CNTNAP5: variants seen among roughly 807,000 people sequenced by gnomAD.
CNTNAP5 encodes contactin-associated protein-like 5.
A neutral mutation model predicts 150.2 loss-of-function variants in CNTNAP5; 72 were observed. That is an observed-to-expected ratio of 0.48 (90% CI 0.40 to 0.58). CNTNAP5 has a LOEUF of 0.58. Among genes scored for constraint, CNTNAP5 ranks in the 20% least tolerant of loss-of-function variants. CNTNAP5 has a pLI of 0.00. For synonymous variants in CNTNAP5, 672 were observed against 619.8 expected (o/e 1.08, Z -1.25); for missense variants, 1,636 against 1,626.2 (o/e 1.01, Z -0.10).
At chr2:124,554,610 C>T (rs1462679548) in intron 10 of CNTNAP5, among the ~76,000 whole-genome samples, 2 of 151,864 alleles carry the variant, frequency 1.3e-5, no homozygotes, top group Admixed American at 6.6e-5. Flanking sequence ...TTTGTAGAGA[C>T]AGGGTTTCCA....
chr2:124,162,432 G>GT (rs924618238), intron 1 of CNTNAP5, among the ~76,000 whole-genome samples: 21 of 152,154 alleles, frequency 1.4e-4, no homozygotes, highest in Non-Finnish European at 2.5e-4. Context: ...GCCACACCAA[G>GT]TAAAGGTGGC....
chr2:124,534,405 T>TTA (rs889174805), intron 10 of CNTNAP5, among the ~76,000 whole-genome samples: 3 of 152,208 alleles, frequency 2.0e-5, no homozygotes, highest in Non-Finnish European at 4.4e-5. Flanking sequence ...TATTTCTTGA[T>TTA]TATATGCTAA....
chr2:124,179,455 C>A (rs889527844), intron 1 of CNTNAP5, among the ~76,000 whole-genome samples: 1 of 152,130 alleles, frequency 6.6e-6, no homozygotes, highest in African/African-American at 2.4e-5. Flanking sequence ...GCATCATGCC[C>A]GGCCTAACTT....
At chr2:124,050,961 G>A (rs543458693) in intron 1 of CNTNAP5, among the ~76,000 whole-genome samples, 18 of 152,052 alleles carry the variant, frequency 1.2e-4, no homozygotes, top group Non-Finnish European at 2.4e-4. Context: ...GCTTAATCTC[G>A]GATGTGTAGA....
At chr2:124,147,387 GA>G (rs1215935240) in intron 1 of CNTNAP5, among the ~76,000 whole-genome samples, 4 of 152,144 alleles carry the variant, frequency 2.6e-5, no homozygotes, top group Non-Finnish European at 4.4e-5. Context: ...TTTCTGCAGG[GA>G]AACATGAATA....
At chr2:124,525,974 G>T (rs1474730339) in intron 9 of CNTNAP5, among the ~76,000 whole-genome samples, 2 of 152,194 alleles carry the variant, frequency 1.3e-5, no homozygotes, top group Non-Finnish European at 2.9e-5. Context: ...GAACAAGGGT[G>T]TTGGGGTCCG....
rs867237050 is a variant in CNTNAP5, at chr2:124,911,462, T to G, written c.3656-5T>G. On this transcript the variant is annotated splice_region_variant and splice_polypyrimidine_tract_variant and intron_variant, in intron 22 of 23. Transcript: ENST00000682447. ...GTAAAGTCCCATGTCTTTTACTCCTTTCAGATCCTTTTGGGAAGACAGATG... is the reference window on the plus strand; with the variant it reads ...GTAAAGTCCCATGTCTTTTACTCCTGTCAGATCCTTTTGGGAAGACAGATG... 20 of 1,589,686 alleles carry G rather than the reference T, an allele frequency of 1.3e-5. No individual in the cohort carries two copies. The Middle Eastern group carries it at 6.6e-4, about 53-fold the overall frequency.
rs1558755593 is a variant in CNTNAP5, at chr2:124,735,065, T to C, written c.2078-12164T>C. Among the ~76,000 whole-genome samples the C allele has an allele frequency of 2.0e-5, 3 of 152,144 alleles. No homozygotes were observed. In the South Asian group the frequency reaches 6.2e-4, roughly 31 times the overall value. The stretch of plus-strand genomic sequence containing the variant: ...TGCATTAATGTATGGCTGTGTGATA[T>C]CCATTTTAATGTTGTTGACAGCTTT... On this transcript the variant is annotated intron_variant, in intron 13 of 23. Coordinates refer to ENST00000682447, the MANE Select transcript of CNTNAP5 (RefSeq NM_001367498.1).
At chr2:124,320,540 G>A (rs1689074504) in intron 3 of CNTNAP5, among the ~76,000 whole-genome samples, 1 of 152,066 alleles carries the variant, frequency 6.6e-6, no homozygotes, top group African/African-American at 2.4e-5. Context: ...TGCAAGCTCA[G>A]ACTCACCTGA....
intron 1 of CNTNAP5, among the ~76,000 whole-genome samples, chr2:124,093,357 C>T (rs1260376701): frequency 6.6e-6 from 1 of 152,194 alleles, no homozygotes; most frequent in African/African-American, 2.4e-5. Context: ...CTAGAAGAGA[C>T]TGGCACATGA....
intron 4 of CNTNAP5, among the ~76,000 whole-genome samples, chr2:124,430,958 G>A (rs777453733): frequency 2.3e-4 from 35 of 152,136 alleles, no homozygotes; most frequent in Non-Finnish European, 4.4e-4. Flanking sequence ...CTGAGATTGT[G>A]CAATTTTCAC....
intron 14 of CNTNAP5, among the ~76,000 whole-genome samples, chr2:124,752,803 A>G (rs186030855): frequency 6.6e-6 from 1 of 152,292 alleles, no homozygotes; most frequent in Non-Finnish European, 1.5e-5. Flanking sequence ...CTCTGGTGAC[A>G]GCTCTGGGTT....
chr2:124,369,843 T>A (rs1005321485), intron 3 of CNTNAP5, among the ~76,000 whole-genome samples: 1 of 152,242 alleles, frequency 6.6e-6, no homozygotes, highest in African/African-American at 2.4e-5. Flanking sequence ...TCCCTCAGGC[T>A]TATCAGAAAG....
At chr2:124,213,420 C>T (rs1686071461) in intron 1 of CNTNAP5, among the ~76,000 whole-genome samples, 1 of 151,992 alleles carries the variant, frequency 6.6e-6, no homozygotes, top group Admixed American at 6.6e-5. Context: ...AGAGATCATC[C>T]CAAGAGAAAA....
chr2:124,892,014 A>C (rs1300394090), intron 21 of CNTNAP5, among the ~76,000 whole-genome samples: 1 of 152,098 alleles, frequency 6.6e-6, no homozygotes, highest in African/African-American at 2.4e-5. Context: ...CATTAAGGCT[A>C]TCTAAGGCTA....
rs368440988 is a variant in CNTNAP5, at chr2:124,419,006, C to T, written c.529+1416C>T. 4.0e-5 allele frequency among the ~76,000 whole-genome samples: 6 copies of T among 149,206 alleles called. No individual in the cohort carries two copies. The South Asian group carries it at 6.5e-4, about 16-fold the overall frequency. On this transcript the variant is annotated intron_variant, in intron 4 of 23. Transcript: ENST00000682447. ...AAAATTAGCCGGGCGCGGTGGCGGG[C>T]GCCTGTAGTCCCAGCTACTCGGGAG...
intron 3 of CNTNAP5, among the ~76,000 whole-genome samples, chr2:124,355,480 GCAGGCACCCTACCCTCCCA>G (rs1689974245): frequency 6.6e-6 from 1 of 152,126 alleles, no homozygotes; most frequent in African/African-American, 2.4e-5. Context: ...CTCCCAAGCA[GCAGGCACCCTACCCTCCCA>G]CTGAACCAAC....
intron 19 of CNTNAP5, among the ~76,000 whole-genome samples, chr2:124,814,439 A>G (rs898833007): frequency 6.6e-6 from 1 of 152,136 alleles, no homozygotes; most frequent in African/African-American, 2.4e-5. Flanking sequence ...ATCCACTGCT[A>G]TGATCTGAAT....
intron 6 of CNTNAP5, among the ~76,000 whole-genome samples, chr2:124,465,339 A>G (rs1290094478): frequency 1.3e-5 from 2 of 152,070 alleles, no homozygotes; most frequent in African/African-American, 4.8e-5. Context: ...AAACTTTGCA[A>G]TCTAATACCT....
Sources: gnomAD v4.1 joint callset for allele counts (sites outside exome capture counted in the v4.1 genomes callset) on GRCh38, gnomAD v4.1.1 for gene constraint, MANE v1.5 for transcripts, NCBI Gene and HGNC (gene_info 2026-07-23, HGNC 2026-07-21) for gene names.